The following ATRN variants were observed in gnomAD, a reference collection of about 807,000 sequenced individuals.
ATRN encodes the protein attractin-2.
In ATRN, 54 loss-of-function variants were observed where a neutral mutation model predicts 178.7. The observed-to-expected ratio is 0.30, with a 90% CI of 0.24 to 0.38. The LOEUF is 0.38. ATRN is among the 10% of genes least tolerant of loss of function. The pLI is 1.00. For missense variants in ATRN, 1,443 were observed against 1,815.1 expected (o/e 0.79, Z 3.73); for synonymous variants, 636 against 663.0 (o/e 0.96, Z 0.63).
At chr20:3,565,602 C>T (rs981895048) in intron 11 of ATRN, among the ~76,000 whole-genome samples, 170 bp downstream of exon 11, 1 of 152,026 alleles carries the variant, frequency 6.6e-6, no homozygotes, top group Non-Finnish European at 1.5e-5. Flanking sequence ...CCCATCTCTA[C>T]TAAAAGTACA....
intron 1 of ATRN, among the ~76,000 whole-genome samples, chr20:3,472,791 A>G (rs2084450682): frequency 6.6e-6 from 1 of 152,234 alleles, no homozygotes; most frequent in Non-Finnish European, 1.5e-5. Context: ...TGTAAGGTTA[A>G]GTAGGATTTG....
At chr20:3,621,398 G>C (rs1445110328) in intron 24 of ATRN, among the ~76,000 whole-genome samples, 1 of 152,120 alleles carries the variant, frequency 6.6e-6, no homozygotes, top group Non-Finnish European at 1.5e-5. Context: ...AAACCCTGGG[G>C]CTCACTGAGC....
intron 1 of ATRN, among the ~76,000 whole-genome samples, chr20:3,520,936 C>T (rs2085286689): frequency 1.3e-5 from 2 of 152,144 alleles, no homozygotes; most frequent in African/African-American, 4.8e-5. Context: ...TATGTAGTCT[C>T]ATGAAAAGAA....
intron 2 of ATRN, among the ~76,000 whole-genome samples, chr20:3,537,744 A>G (rs151456): frequency 0.27 from 39,889 of 149,760 alleles, 5,855 homozygotes; most frequent in African/African-American, 0.33. Context: ...TCCCACCTAT[A>G]AGTGAGAACA....
intron 11 of ATRN, among the ~76,000 whole-genome samples, chr20:3,569,153 T>C (rs1862665364): frequency 6.6e-6 from 1 of 152,200 alleles, no homozygotes; most frequent in African/African-American, 2.4e-5. Flanking sequence ...AATTTGCAAA[T>C]ATGGAATCTA....
intron 1 of ATRN, among the ~76,000 whole-genome samples, chr20:3,504,696 T>TAATAAC (rs1331321066): frequency 2.7e-4 from 19 of 70,628 alleles, no homozygotes; most frequent in Non-Finnish European, 4.2e-4. Flanking sequence ...AAGATAATAA[T>TAATAAC]AATAATAATA....
chr20:3,544,574 G>A (rs951898681), intron 3 of ATRN, among the ~76,000 whole-genome samples: 2 of 152,062 alleles, frequency 1.3e-5, no homozygotes, highest in African/African-American at 4.8e-5. Context: ...GCAACAGCAG[G>A]TAGACATAAG....
intron 1 of ATRN, among the ~76,000 whole-genome samples, chr20:3,473,135 G>C (rs550530188): frequency 8.5e-4 from 129 of 152,302 alleles, no homozygotes; most frequent in African/African-American, 2.9e-3. Flanking sequence ...TAGGTTGTGA[G>C]ATACAGTGGT....
At position 3,604,253 on chromosome 20, in the gene ATRN, C is replaced by G; in HGVS notation, c.3792C>G (p.Ile1264Met). The change falls in exon 24 of 29, where the codon ATC (isoleucine) becomes ATG (methionine). Residue 1264 changes from isoleucine (I) to methionine (M), a missense_variant. By Grantham distance (10) the Ile-to-Met change is conservative (BLOSUM62 1). Transcript: ENST00000262919. ...ATGTCAGTAATTTCACCTGGCCCAT[C>G]AAAATTCAGGTAAGAAGAGGCTTTT... ...FVYVSNFTWPIKIQIAFSQHS... is the reference protein window; with the variant it reads ...FVYVSNFTWPMKIQIAFSQHS... 6.3e-7 allele frequency: 1 copy of G among 1,598,512 alleles called. No individual in the cohort carries two copies. Among genetic ancestry groups the G allele is most frequent in the Middle Eastern group, 1.7e-4 (1 of 5,920 alleles).
At chr20:3,507,052 TG>T (rs946773103) in intron 1 of ATRN, among the ~76,000 whole-genome samples, 4 of 151,576 alleles carry the variant, frequency 2.6e-5, no homozygotes, top group Non-Finnish European at 4.4e-5. Context: ...CGGGAGGTTT[TG>T]TTTTTTTTTT....
chr20:3,639,794 G>A (rs190189335), intron 27 of ATRN, among the ~76,000 whole-genome samples: 1 of 152,198 alleles, frequency 6.6e-6, no homozygotes, highest in East Asian at 1.9e-4. Context: ...AAAATCTCCA[G>A]GGAATACTCT....
chr20:3,597,064 A>ATG, intron 21 of ATRN, among the ~76,000 whole-genome samples: 1 of 132,038 alleles, frequency 7.6e-6, no homozygotes, highest in Non-Finnish European at 1.6e-5. Flanking sequence ...GACTTCATAT[A>ATG]TATATATATA....
intron 7 of ATRN, among the ~76,000 whole-genome samples, chr20:3,560,209 A>G (rs1003740628): frequency 6.6e-6 from 1 of 151,944 alleles, no homozygotes; most frequent in East Asian, 1.9e-4. Flanking sequence ...CATGAGATCC[A>G]CTTTTTTAGT....
Position 3,622,416 on chromosome 20 carries a change from A to G in ATRN, c.3802-2095A>G, listed in dbSNP as rs2086903445. ...TTGTCTTTTACAAGATGGATTTTAC[A>G]GTTGGTTGGCATTGTATGACAGTCT... is the stretch of plus-strand genomic sequence containing the variant. On this transcript the variant is annotated intron_variant, in intron 24 of 28. Transcript: ENST00000262919. 4.6e-5 allele frequency among the ~76,000 whole-genome samples: 7 copies of G among 152,344 alleles called. No homozygotes were observed. The South Asian group carries it at 1.2e-3, about 27-fold the overall frequency.
intron 15 of ATRN, among the ~76,000 whole-genome samples, chr20:3,579,548 C>T (rs2086255625): frequency 6.6e-6 from 1 of 152,066 alleles, no homozygotes; most frequent in Admixed American, 6.6e-5. Flanking sequence ...CATAGCCCAG[C>T]CATCTCAAAA....
chr20:3,522,481 G>A (rs1039354519), intron 1 of ATRN, among the ~76,000 whole-genome samples: 9 of 152,156 alleles, frequency 5.9e-5, no homozygotes, highest in African/African-American at 2.2e-4. Context: ...GGCATCTGTG[G>A]GCACAGCTTC....
intron 18 of ATRN, among the ~76,000 whole-genome samples, chr20:3,587,059 C>A (rs1272704896): frequency 6.6e-6 from 1 of 152,104 alleles, no homozygotes; most frequent in Non-Finnish European, 1.5e-5. Flanking sequence ...TAGTCAAATT[C>A]TTTGCCCATT....
intron 15 of ATRN, among the ~76,000 whole-genome samples, chr20:3,581,215 G>A (rs2086278793): frequency 6.6e-6 from 1 of 152,180 alleles, no homozygotes; most frequent in South Asian, 2.1e-4. Flanking sequence ...TCATGTCCCT[G>A]CACTCCAGCA....
chr20:3,559,528 T>C (rs926859337), intron 7 of ATRN, 45 bp downstream of exon 7: 1 of 1,479,840 alleles, frequency 6.8e-7, no homozygotes, highest in African/African-American at 1.4e-5. Flanking sequence ...TAAGTTTTCC[T>C]CAGTTACTTC....
Sources: allele counts gnomAD v4.1 joint callset (sites outside exome capture counted in the v4.1 genomes callset), GRCh38; gene constraint gnomAD v4.1.1; transcripts MANE v1.5; gene names NCBI Gene and HGNC (gene_info 2026-07-23, HGNC 2026-07-21).